The following CDK14 variants were observed in gnomAD, a reference collection of about 807,000 sequenced individuals.
CDK14 encodes cyclin-dependent kinase 14.
CDK14 carries 34 observed loss-of-function variants against 60.7 expected under a neutral mutation model. The ratio of observed to expected loss-of-function variants is 0.56; its 90% CI spans 0.43 to 0.75. The LOEUF (loss-of-function observed/expected upper bound fraction) is 0.75. Ranked by LOEUF, CDK14 falls within the 30% of genes least tolerant of loss-of-function variation. The pLI is 0.00. For missense variants in CDK14, 482 were observed against 564.1 expected (o/e 0.85, Z 1.47); for synonymous variants, 197 against 203.7 (o/e 0.97, Z 0.28).
intron 8 of CDK14, among the ~76,000 whole-genome samples, chr7:90,928,433 C>A (rs1793490346): frequency 6.6e-6 from 1 of 152,148 alleles, no homozygotes; most frequent in African/African-American, 2.4e-5. Flanking sequence ...GTTAGTTTTC[C>A]TTCTAACAGT....
At chr7:90,897,075 T>C (rs78644127) in intron 6 of CDK14, among the ~76,000 whole-genome samples, 24,620 of 152,134 alleles carry the variant, frequency 0.16, 2,277 homozygotes, top group Middle Eastern at 0.28. Flanking sequence ...TGTGAAATTT[T>C]CCGTTTCTTC....
At chr7:91,039,780 T>C (rs980303224) in intron 10 of CDK14, among the ~76,000 whole-genome samples, 1 of 152,112 alleles carries the variant, frequency 6.6e-6, no homozygotes, top group Non-Finnish European at 1.5e-5. Context: ...TTTCTATCAC[T>C]GTACCCTCCT....
intron 6 of CDK14, among the ~76,000 whole-genome samples, chr7:90,885,466 C>T (rs570884618): frequency 6.6e-6 from 1 of 152,116 alleles, no homozygotes; most frequent in East Asian, 1.9e-4. Context: ...AATGCTTTTA[C>T]TTGTTGGTGG....
intron 3 of CDK14, among the ~76,000 whole-genome samples, chr7:90,736,344 G>GCTTTTT (rs1563063351): frequency 4.6e-4 from 19 of 40,958 alleles, no homozygotes; most frequent in South Asian, 1.0e-3. Context: ...ACTTTATTAT[G>GCTTTTT]TTTTTGTTTT....
chr7:90,613,457 G>T (rs987138831), intron 2 of CDK14, among the ~76,000 whole-genome samples: 1 of 152,032 alleles, frequency 6.6e-6, no homozygotes, highest in Admixed American at 6.6e-5. Flanking sequence ...CCAGCACCTT[G>T]GGAGGGATCA....
intron 2 of CDK14, among the ~76,000 whole-genome samples, chr7:90,627,413 G>C (rs970550357): frequency 6.6e-6 from 1 of 152,100 alleles, no homozygotes; most frequent in African/African-American, 2.4e-5. Context: ...AGGTCTGACT[G>C]TGTTGCCCAG....
intron 14 of CDK14, among the ~76,000 whole-genome samples, chr7:91,180,436 G>T (rs1433189010): frequency 6.6e-6 from 1 of 152,122 alleles, no homozygotes; most frequent in Admixed American, 6.5e-5. Flanking sequence ...AAACAGCTAT[G>T]TATAGTACAG....
chr7:90,608,598 CA>C (rs1262101679), intron 2 of CDK14: 6 of 946,778 alleles, frequency 6.3e-6, no homozygotes, highest in Non-Finnish European at 7.5e-6. Context: ...AAATTTTTAG[CA>C]ATTAGAATAA....
chr7:90,817,107 G>T (rs1407721181), intron 5 of CDK14, among the ~76,000 whole-genome samples: 2 of 152,136 alleles, frequency 1.3e-5, no homozygotes, highest in East Asian at 1.9e-4. Context: ...TGACATTTTG[G>T]AATGTGGTGG....
At chr7:91,192,719 G>T (rs945059269) in intron 14 of CDK14, among the ~76,000 whole-genome samples, 17 of 152,268 alleles carry the variant, frequency 1.1e-4, no homozygotes, top group Non-Finnish European at 1.2e-4. Flanking sequence ...GGGTACTATA[G>T]AATTAATTTC....
chr7:90,666,929 G>A (rs1705861843), intron 2 of CDK14, among the ~76,000 whole-genome samples: 2 of 152,192 alleles, frequency 1.3e-5, no homozygotes, highest in African/African-American at 4.8e-5. Context: ...CAAATGTAGA[G>A]AGAAGAGGAC....
At chr7:90,902,635 C>T (rs1213186995) in intron 7 of CDK14, among the ~76,000 whole-genome samples, 2 of 151,942 alleles carry the variant, frequency 1.3e-5, no homozygotes, top group Admixed American at 1.3e-4. Flanking sequence ...ACATAAGGCC[C>T]AAAACTATTG....
chr7:91,029,671 A>T (rs961714290), intron 10 of CDK14, among the ~76,000 whole-genome samples: 8 of 133,816 alleles, frequency 6.0e-5, no homozygotes, highest in Non-Finnish European at 9.3e-5. Flanking sequence ...GCTATTATAA[A>T]TGGGAGTGAG....
intron 5 of CDK14, among the ~76,000 whole-genome samples, chr7:90,860,732 T>A (rs1485807240): frequency 1.3e-5 from 2 of 151,932 alleles, no homozygotes; most frequent in African/African-American, 4.8e-5. Flanking sequence ...ACCATGTTGA[T>A]CAGGATGGTC....
At chr7:91,091,146 A>T (rs533868351) in intron 12 of CDK14, among the ~76,000 whole-genome samples, 1 of 151,646 alleles carries the variant, frequency 6.6e-6, no homozygotes, top group East Asian at 1.9e-4. Flanking sequence ...CTGTAATCCC[A>T]GCACTTTGAG....
At position 90,687,328 on chromosome 7, in the gene CDK14, A is replaced by G. The variant is rs759766239; in HGVS notation, c.124-39239A>G. 1.9e-4 allele frequency among the ~76,000 whole-genome samples: 29 copies of G among 152,212 alleles called. No individual in the cohort carries two copies. The Middle Eastern group carries it at 0.014, about 71-fold the overall frequency. On this transcript the variant is annotated intron_variant, in intron 2 of 14. Transcript: ENST00000380050. ...ATTAACCGAGCAGAGTTAAGGGTCT[A>G]TTTAGGGCTGGTCTAAAAGTTAGGC...
At chr7:90,924,114 T>C (rs1793339179) in intron 8 of CDK14, among the ~76,000 whole-genome samples, 1 of 152,242 alleles carries the variant, frequency 6.6e-6, no homozygotes, top group African/African-American at 2.4e-5. Context: ...AAAAATTATG[T>C]CTTATAGAGG....
In CDK14 at chr7:90,847,724, A is replaced by T. The variant is rs185426527; in HGVS notation, c.545-15451A>T. Among the ~76,000 whole-genome samples the T allele has an allele frequency of 2.9e-3, 448 of 152,316 alleles. 2 individuals are homozygous for T. Among genetic ancestry groups the T allele is most frequent in the African/African-American group, 0.01 (421 of 41,580 alleles). On this transcript the variant is annotated intron_variant, in intron 5 of 14. Transcript: ENST00000380050. ...ATTTAACCAGAGTAAATTTTATTTA[A>T]CACAATAAATGACAGTTTAGGTTAT...
chr7:91,189,716 A>G (rs1222722940), intron 14 of CDK14, among the ~76,000 whole-genome samples: 2 of 152,224 alleles, frequency 1.3e-5, no homozygotes, highest in East Asian at 3.9e-4. Flanking sequence ...TGATTTTTCA[A>G]CATGAAAGCA....
Sources: allele counts gnomAD v4.1 joint callset (sites outside exome capture counted in the v4.1 genomes callset), GRCh38; gene constraint gnomAD v4.1.1; transcripts MANE v1.5; gene names NCBI Gene and HGNC (gene_info 2026-07-23, HGNC 2026-07-21).